PRICKLE3: variants seen among roughly 807,000 people sequenced by gnomAD.
PRICKLE3 encodes prickle planar cell polarity protein 3, also known as LIM domain only protein 6.
Under a neutral mutation model 33.8 loss-of-function variants are expected in PRICKLE3, and 17 were observed. The observed-to-expected ratio is 0.50, with a 90% CI of 0.34 to 0.75. The LOEUF is 0.75. PRICKLE3 is among the 30% of genes least tolerant of loss of function. PRICKLE3 has a pLI of 0.01. For missense variants in PRICKLE3, 573 were observed against 576.7 expected (o/e 0.99, Z 0.07); for synonymous variants, 211 against 219.6 (o/e 0.96, Z 0.34).
chrX:49,176,010 G>C lies in PRICKLE3; in HGVS notation c.1511C>G (p.Pro504Arg), dbSNP rs373121350. Reference protein sequence around the residue: ...PAQRRRPRSPPPRAPSRRRHH... With the variant: ...PAQRRRPRSPRPRAPSRRRHH... ...GCGGCGACGGCTGGGGGCCCTGGGTGGGGGACTGCGTGGCCTGCGGCGCTG... is the reference window on the plus strand; with the variant it reads ...GCGGCGACGGCTGGGGGCCCTGGGTCGGGGACTGCGTGGCCTGCGGCGCTG... The change falls in exon 9 of 9, where the codon CCA becomes CGA. Residue 504 changes from proline to arginine, a missense_variant. Coordinates refer to ENST00000599218, the MANE Select transcript of PRICKLE3 (RefSeq NM_006150.5). 4.6e-4 allele frequency: 550 copies of C among 1,208,499 alleles called. 3 individuals carry two copies. In the South Asian group the frequency reaches 7.0e-3, roughly 15 times the overall value.
At chrX:49,184,748 C>T (rs782735577) in intron 1 of PRICKLE3, 38 bp from the exon 2 acceptor site, 147 of 1,161,229 alleles carry the variant, frequency 1.3e-4, no homozygotes, top group Non-Finnish European at 9.8e-5. Flanking sequence ...CCGGGTGAGG[C>T]GCGGAAGCAG....
intron 3 of PRICKLE3, 120 bp from the exon 4 acceptor site, chrX:49,179,926 C>T: frequency 2.4e-6 from 1 of 425,382 alleles, no homozygotes; most frequent in Admixed American, 4.5e-5. Context: ...TTCTGACTCC[C>T]TCATCTCTCC....
rs2065454364 is a variant in PRICKLE3, at chrX:49,181,577, A to ATATATATACGCGTATATATATACG, written c.313-1772_313-1771insCGTATATATATACGCGTATATATA. On this transcript the variant is annotated intron_variant, in intron 3 of 8. Coordinates refer to ENST00000599218, the MANE Select transcript of PRICKLE3 (RefSeq NM_006150.5). ...TATATATATACACGTATATATACGT[A>ATATATATACGCGTATATATATACG]TATATATACGCGTGTATCTATATAC... is the stretch of plus-strand genomic sequence containing the variant. Among the ~76,000 whole-genome samples, 10 of 1,318 alleles carry ATATATATACGCGTATATATATACG rather than the reference A, an allele frequency of 7.6e-3. 1 individual carries two copies. The highest frequency in any genetic ancestry group is 8.7e-3 in the African/African-American group (9 of 1,032). The allele number at this position is 1,318 out of a possible 115,157, so 1.1% of individuals were successfully genotyped here.
In PRICKLE3 at chrX:49,179,762, G is replaced by T; in HGVS notation, c.357C>A (p.Tyr119Ter). 3 of 1,181,836 alleles carry T rather than the reference G, an allele frequency of 2.5e-6. No individual in the cohort carries two copies. Among genetic ancestry groups the T allele is most frequent in the Non-Finnish European group, 1.1e-6 (1 of 877,959 alleles). ...FSCLPEDKVP[Y>*]VNSPGEKYRI... The stretch of plus-strand genomic sequence containing the variant: ...TGTATTTCTCCCCAGGACTGTTGAC[G>T]TAGGGGACCTTGTCCTCTGGGAGGC... The change falls in exon 4 of 9, where the codon TAC becomes TAA. Residue 119 changes from tyrosine to a stop codon, truncating the protein, a stop_gained. Transcript: ENST00000599218. LOFTEE classifies it high-confidence loss of function.
chrX:49,183,841 T>A lies in PRICKLE3; in HGVS notation c.205A>T (p.Met69Leu), dbSNP rs782798124. The part of the protein sequence containing the change: ...HAVPVDLERI[M>L]CRLISDFQRH... ...TGGAAGTCCGAGATTAGCCGACACA[T>A]GATGCGTTCCAGGTCCACAGGCACC... The change falls in exon 3 of 9, where the codon ATG becomes TTG. Residue 69 changes from methionine (M) to leucine (L), a missense_variant. Met to Leu is a conservative substitution (Grantham distance 15, BLOSUM62 2). Transcript: ENST00000599218. 8.3e-7 allele frequency: 1 copy of A among 1,211,039 alleles called. No homozygotes were observed. The highest frequency in any genetic ancestry group is 1.8e-5 in the South Asian group (1 of 56,944).
In PRICKLE3 at chrX:49,178,023, C is replaced by T. The variant is rs376812705; in HGVS notation, c.925G>A (p.Glu309Lys). 8.7e-7 allele frequency: 1 copy of T among 1,155,120 alleles called. No homozygotes were observed. ...TGCTCCCCACAGCCATCACAGTACT[C>T]CGCGTGGCGGGCCTCGTAGCAGGCG... is the stretch of plus-strand genomic sequence containing the variant. Reference protein sequence around the residue: ...CCACYEARHAEYCDGCGEHIG... With the variant: ...CCACYEARHAKYCDGCGEHIG... Residue 309 changes from glutamate to lysine, a missense_variant, in exon 7 of 9, where the codon GAG (glutamate) becomes AAG (lysine). Glu to Lys is a moderately conservative substitution (Grantham distance 56). Transcript: ENST00000599218.
intron 2 of PRICKLE3, among the ~76,000 whole-genome samples, chrX:49,184,389 G>A (rs1487344057): frequency 1.8e-5 from 2 of 109,449 alleles, no homozygotes; most frequent in African/African-American, 6.7e-5. Flanking sequence ...GCGACTCCGC[G>A]GCTACGGGAG....
intron 3 of PRICKLE3, among the ~76,000 whole-genome samples, chrX:49,181,550 T>C (rs5953272): frequency 1.2e-5 from 1 of 81,573 alleles, no homozygotes; most frequent in Non-Finnish European, 2.2e-5. Flanking sequence ...TACGTATATG[T>C]GTATATATAT....
chrX:49,176,353 C>A, intron 8 of PRICKLE3, 88 bp from the exon 9 acceptor site: 1 of 707,024 alleles, frequency 1.4e-6, no homozygotes, highest in Non-Finnish European at 2.0e-6. Context: ...GCCTTCTTTC[C>A]TCCACTAAGA....
rs781937069 is a variant in PRICKLE3 at position 49,175,971 on chromosome X, T to C, written c.1550A>G (p.Asn517Ser). The C allele has an allele frequency of 1.7e-6, 2 of 1,211,120 alleles. No homozygotes were observed. The highest frequency in any genetic ancestry group is 1.8e-5 in the South Asian group (1 of 56,968). ...APSRRRHHHH[N>S]HHHHHNRHPS... ...GTGGCGGTTGTGATGGTGATGGTGA[T>C]TATGATGATGGTGGCGGCGACGGCT... Residue 517 changes from asparagine (N) to serine (S), a missense_variant, in exon 9 of 9, where the codon AAT (asparagine) becomes AGT (serine). Transcript: ENST00000599218.
At chrX:49,181,564 C>CGTATATGTACGT (rs2065452941) in intron 3 of PRICKLE3, among the ~76,000 whole-genome samples, 5 of 742 alleles carry the variant, frequency 6.7e-3, no homozygotes, top group African/African-American at 0.02. Context: ...TATATATACA[C>CGTATATGTACGT]GTATATATAC....
rs1481856731 is a variant in PRICKLE3, at chrX:49,183,824, C to T, written c.222G>A (p.Ser74=). The T allele has an allele frequency of 1.7e-6, 2 of 1,209,380 alleles. No homozygotes were observed. The highest frequency in any genetic ancestry group is 2.2e-6 in the Non-Finnish European group (2 of 894,993). Residue 74 remains serine (S), a synonymous_variant, in exon 3 of 9, where the codon TCG becomes TCA. Coordinates refer to ENST00000599218, the MANE Select transcript of PRICKLE3 (RefSeq NM_006150.5). ...CGGAGATGGAGTGGCGCTGGAAGTC[C>T]GAGATTAGCCGACACATGATGCGTT... ...DLERIMCRLI[S]DFQRHSISDD...
intron 4 of PRICKLE3, 148 bp from the exon 5 acceptor site, chrX:49,179,536 C>T: frequency 1.0e-6 from 1 of 964,565 alleles, no homozygotes; most frequent in Non-Finnish European, 1.5e-6. Context: ...CTTCCAAGGC[C>T]CAGCTGTGGT....
chrX:49,181,532 T>C (rs1602602080), intron 3 of PRICKLE3, among the ~76,000 whole-genome samples: 1 of 84,556 alleles, frequency 1.2e-5, no homozygotes, highest in African/African-American at 5.7e-5. Flanking sequence ...TATATATGTG[T>C]ATATATATAC....
Position 49,176,039 on chromosome X carries a change from C to T in PRICKLE3, c.1482G>A (p.Pro494=), listed in dbSNP as rs139442526. The T allele has an allele frequency of 8.3e-7, 1 of 1,205,586 alleles. No homozygotes were observed. Among genetic ancestry groups the T allele is most frequent in the African/African-American group, 1.8e-5 (1 of 56,820 alleles). Residue 494 remains proline, a synonymous_variant, in exon 9 of 9, where the codon CCG becomes CCA. Coordinates refer to ENST00000599218, the MANE Select transcript of PRICKLE3 (RefSeq NM_006150.5). ...GGPRRTLSAP[P]AQRRRPRSPP... The stretch of plus-strand genomic sequence containing the variant: ...GACTGCGTGGCCTGCGGCGCTGGGC[C>T]GGGGGTGCACTCAGGGTCCGGCGCG...
At chrX:49,178,651 C>G (rs782476620) in intron 5 of PRICKLE3, among the ~76,000 whole-genome samples, 176 bp from the exon 6 acceptor site, 2 of 112,180 alleles carry the variant, frequency 1.8e-5, no homozygotes, top group South Asian at 7.3e-4. Flanking sequence ...TGGGGTTGGG[C>G]GGTACCTTAG....
Position 49,174,822 on chromosome X carries a change from A to T in PRICKLE3, c.*851T>A. On this transcript the variant is annotated 3_prime_UTR_variant, in exon 9 of 9. Transcript: ENST00000599218. ...CCCTCTTTGAGGTAAAAGTGCCTTTATTGGGAGACTTTTGTCTTCCAGCCT... is the reference window on the plus strand; with the variant it reads ...CCCTCTTTGAGGTAAAAGTGCCTTTTTTGGGAGACTTTTGTCTTCCAGCCT... The T allele has an allele frequency of 3.3e-6, 2 of 600,953 alleles. No homozygotes were observed. Among genetic ancestry groups the T allele is most frequent in the Non-Finnish European group, 5.6e-6 (2 of 355,828 alleles). 49.5% of individuals were successfully genotyped at this position (600,953 alleles called of 1,213,427 possible). A position where few individuals can be genotyped will look rare whatever the true frequency, so the allele number is the denominator to read the frequency against.
chrX:49,181,572 TAC>T (rs1336052009), intron 3 of PRICKLE3, among the ~76,000 whole-genome samples: 6 of 77,233 alleles, frequency 7.8e-5, no homozygotes, highest in African/African-American at 3.0e-4. Context: ...CACGTATATA[TAC>T]GTATATATAT....
chrX:49,175,755 T>A lies in PRICKLE3; in HGVS notation c.1766A>T (p.Asn589Ile). The A allele has an allele frequency of 2.1e-5, 25 of 1,210,318 alleles. No individual in the cohort carries two copies. The highest frequency in any genetic ancestry group is 2.8e-5 in the Non-Finnish European group (25 of 895,042). ...CCTGGGGAGCGATAAAGATGGGGAG[T>A]TGAAGGTCTCCATTGCAGTGTCCTG... is the stretch of plus-strand genomic sequence containing the variant. ...PAQDTAMETF[N>I]SPSLSLPRDS... is the part of the protein sequence containing the mutation. Residue 589 changes from asparagine to isoleucine, a missense_variant, in exon 9 of 9, where the codon AAC becomes ATC. Physicochemically the swap from Asn to Ile is moderately radical, Grantham distance 149. Transcript: ENST00000599218.
Sources: gnomAD v4.1 joint callset for allele counts (sites outside exome capture counted in the v4.1 genomes callset) on GRCh38, gnomAD v4.1.1 for gene constraint, MANE v1.5 for transcripts, NCBI Gene and HGNC (gene_info 2026-07-23, HGNC 2026-07-21) for gene names.